The following RSU1 variants were observed in gnomAD, a reference collection of about 807,000 sequenced individuals.
RSU1 encodes the protein rsu-1.
Under a neutral mutation model 31.1 loss-of-function variants are expected in RSU1, and 26 were observed. The observed-to-expected ratio is 0.84, with a 90% confidence interval of 0.61 to 1.16. The LOEUF is 1.16. Ranked by LOEUF, RSU1 falls within the 50% of genes most tolerant of loss-of-function variation. The pLI, the probability that RSU1 is intolerant of heterozygous loss-of-function variation, is 0.00. For missense variants in RSU1, 320 were observed against 339.1 expected, an observed-to-expected ratio of 0.94 and a Z score of 0.44; for synonymous variants, 164 against 136.3, an observed-to-expected ratio of 1.20 and a Z score of -1.41.
chr10:16,782,123 T>C (rs1161925639), intron 2 of RSU1, 39 bp from the exon 3 acceptor site: 1 of 1,505,480 alleles, frequency 6.6e-7, no homozygotes, highest in East Asian at 2.3e-5. Context: ...AGTCAGTAAA[T>C]GTATCACTGT....
intron 8 of RSU1, among the ~76,000 whole-genome samples, chr10:16,693,789 G>A (rs1372258778): frequency 1.3e-5 from 2 of 152,084 alleles, no homozygotes; most frequent in Non-Finnish European, 2.9e-5. Flanking sequence ...CTCAGCCCAG[G>A]CGCTTGAGGC....
At chr10:16,753,307 A>G (rs1278283041) in intron 5 of RSU1, among the ~76,000 whole-genome samples, 1 of 152,248 alleles carries the variant, frequency 6.6e-6, no homozygotes, top group Non-Finnish European at 1.5e-5. Context: ...CTCATAGATT[A>G]CTTTTGATTC....
intron 8 of RSU1, among the ~76,000 whole-genome samples, chr10:16,634,628 G>T (rs1226216220): frequency 1.3e-5 from 2 of 152,124 alleles, no homozygotes; most frequent in Non-Finnish European, 2.9e-5. Flanking sequence ...ATTAAATGCT[G>T]CTCAACTCCC....
intron 8 of RSU1, among the ~76,000 whole-genome samples, chr10:16,682,871 C>T (rs930729042): frequency 2.0e-5 from 3 of 152,086 alleles, no homozygotes; most frequent in Admixed American, 6.6e-5. Context: ...CCCTCCACAC[C>T]GCACATGCCC....
At chr10:16,715,609 T>C (rs1276245223) in intron 7 of RSU1, among the ~76,000 whole-genome samples, 3 of 152,238 alleles carry the variant, frequency 2.0e-5, no homozygotes, top group African/African-American at 7.2e-5. Context: ...AAAAATCACT[T>C]GACCATTTAG....
intron 8 of RSU1, among the ~76,000 whole-genome samples, chr10:16,661,574 T>C (rs1398814247): frequency 6.6e-6 from 1 of 152,150 alleles, no homozygotes; most frequent in Non-Finnish European, 1.5e-5. Flanking sequence ...GGAGAGAAGA[T>C]GACTATGATG....
At chr10:16,707,011 T>C (rs1046854562) in intron 7 of RSU1, among the ~76,000 whole-genome samples, 1 of 152,216 alleles carries the variant, frequency 6.6e-6, no homozygotes, top group Non-Finnish European at 1.5e-5. Context: ...TGTGTCTTTC[T>C]GTGTCTGGAT....
At chr10:16,686,042 T>C (rs1470841370) in intron 8 of RSU1, among the ~76,000 whole-genome samples, 3 of 152,200 alleles carry the variant, frequency 2.0e-5, no homozygotes, top group Non-Finnish European at 2.9e-5. Context: ...ATAAAGTTGA[T>C]TGAAACTCCT....
chr10:16,645,957 CATATATGTGTAT>C (rs1432057845), intron 8 of RSU1, among the ~76,000 whole-genome samples: 1 of 36,352 alleles, frequency 2.8e-5, no homozygotes, highest in Admixed American at 2.9e-4. Flanking sequence ...TGTGTATATA[CATATATGTGTAT>C]ATATATGTGT....
At chr10:16,810,747 C>T (rs760559394) in intron 2 of RSU1, among the ~76,000 whole-genome samples, 1 of 152,166 alleles carries the variant, frequency 6.6e-6, no homozygotes, top group Non-Finnish European at 1.5e-5. Context: ...TCATGCACCG[C>T]TTAATAATGT....
chr10:16,631,495 A>G (rs936463058), intron 8 of RSU1, among the ~76,000 whole-genome samples: 2 of 152,190 alleles, frequency 1.3e-5, no homozygotes, highest in Admixed American at 1.3e-4. Context: ...AAATAATCAC[A>G]CAATTGGAGG....
At chr10:16,602,260 C>T (rs1180458151) in intron 8 of RSU1, among the ~76,000 whole-genome samples, 1 of 152,216 alleles carries the variant, frequency 6.6e-6, no homozygotes, top group Non-Finnish European at 1.5e-5. Flanking sequence ...GACTCCTGAC[C>T]TTGGCATGTT....
intron 3 of RSU1, among the ~76,000 whole-genome samples, chr10:16,777,382 A>G (rs563900375): frequency 6.6e-6 from 1 of 152,350 alleles, no homozygotes; most frequent in East Asian, 1.9e-4. Flanking sequence ...AGCCATAATA[A>G]ACACTAAAAA....
intron 1 of RSU1, 88 bp downstream of exon 1, chr10:16,817,226 TG>T: frequency 1.6e-6 from 1 of 637,430 alleles, no homozygotes; most frequent in Non-Finnish European, 2.8e-6. Context: ...CTGGTCCGGG[TG>T]CGGGGAGGGG....
chr10:16,680,370 T>C (rs563545520), intron 8 of RSU1, among the ~76,000 whole-genome samples: 7 of 152,050 alleles, frequency 4.6e-5, no homozygotes, highest in Admixed American at 3.9e-4. Flanking sequence ...TTTAAAAAAA[T>C]AGTAAGAAGA....
chr10:16,682,050 G>T (rs1008527917), intron 8 of RSU1, among the ~76,000 whole-genome samples: 10 of 151,542 alleles, frequency 6.6e-5, no homozygotes, highest in Non-Finnish European at 4.4e-5. Flanking sequence ...AACTACATGA[G>T]AAGAGAATTC....
At chr10:16,753,773 G>T (rs554770263) in intron 5 of RSU1, among the ~76,000 whole-genome samples, 1 of 152,002 alleles carries the variant, frequency 6.6e-6, no homozygotes, top group East Asian at 1.9e-4. Flanking sequence ...TTGTTTACCC[G>T]TATTTATTTT....
At chr10:16,778,989 T>A (rs1353750647) in intron 3 of RSU1, among the ~76,000 whole-genome samples, 1 of 152,232 alleles carries the variant, frequency 6.6e-6, no homozygotes, top group East Asian at 1.9e-4. Flanking sequence ...CTTTGCATTC[T>A]GACTTTGCCA....
intron 2 of RSU1, among the ~76,000 whole-genome samples, chr10:16,811,271 A>G (rs1213397474): frequency 6.6e-6 from 1 of 152,210 alleles, no homozygotes. Context: ...GTGTAGGGAC[A>G]TTCTGGGAAT....
Sources: allele counts gnomAD v4.1 joint callset (sites outside exome capture counted in the v4.1 genomes callset), GRCh38; gene constraint gnomAD v4.1.1; transcripts MANE v1.5; gene names NCBI Gene and HGNC (gene_info 2026-07-23, HGNC 2026-07-21).